Variants in UBE2R2 observed in about 807,000 individuals in gnomAD.
UBE2R2 encodes the protein ubiquitin conjugating enzyme E2 R2, also known as ubiquitin-conjugating enzyme E2 R2.
Under a neutral mutation model 27.8 loss-of-function variants are expected in UBE2R2, and 1 was observed. The observed-to-expected ratio is 0.04, with a 90% CI of 0.01 to 0.17. The LOEUF is 0.17. UBE2R2 is among the 10% of genes least tolerant of loss of function. UBE2R2 has a pLI of 1.00. For synonymous variants in UBE2R2, 106 were observed against 113.3 expected, an observed-to-expected ratio of 0.94 and a Z score of 0.41; for missense variants, 100 against 291.0, an observed-to-expected ratio of 0.34 and a Z score of 4.78.
intron 1 of UBE2R2, among the ~76,000 whole-genome samples, chr9:33,820,786 T>C (rs547786037): frequency 8.1e-4 from 124 of 152,358 alleles, no homozygotes; most frequent in Admixed American, 4.0e-3. Flanking sequence ...CTTTAACTTT[T>C]ATATATTAAT....
chr9:33,907,628 C>T (rs540907192), intron 3 of UBE2R2, among the ~76,000 whole-genome samples: 9 of 150,890 alleles, frequency 6.0e-5, no homozygotes, highest in Middle Eastern at 3.4e-3. Context: ...TGTGGAGGGG[C>T]GGGGAAAGCA....
chr9:33,907,502 C>T (rs1822379982), intron 3 of UBE2R2, among the ~76,000 whole-genome samples: 1 of 152,066 alleles, frequency 6.6e-6, no homozygotes, highest in Non-Finnish European at 1.5e-5. Context: ...CCCAAATTCC[C>T]TCTAGGTCTG....
chr9:33,821,963 G>T (rs1436286108), intron 1 of UBE2R2, among the ~76,000 whole-genome samples: 1 of 151,380 alleles, frequency 6.6e-6, no homozygotes, highest in Non-Finnish European at 1.5e-5. Flanking sequence ...TTTGATTGAG[G>T]TAATGAAATA....
At chr9:33,880,698 C>T (rs138257239) in intron 1 of UBE2R2, among the ~76,000 whole-genome samples, 3 of 152,212 alleles carry the variant, frequency 2.0e-5, no homozygotes, top group African/African-American at 7.2e-5. Flanking sequence ...TGGTACAACT[C>T]TGTGGCCTGT....
chr9:33,832,398 T>C (rs1820512669), intron 1 of UBE2R2, among the ~76,000 whole-genome samples: 1 of 151,944 alleles, frequency 6.6e-6, no homozygotes, highest in Non-Finnish European at 1.5e-5. Flanking sequence ...GGCTCATGCC[T>C]GTAATCCCAG....
intron 1 of UBE2R2, among the ~76,000 whole-genome samples, chr9:33,872,786 C>CA (rs761913485): frequency 0.12 from 11,343 of 98,454 alleles, 571 homozygotes; most frequent in Non-Finnish European, 0.16. Flanking sequence ...AACTCCATTT[C>CA]AAAAAAAAAA....
At chr9:33,824,105 G>A (rs1319839489) in intron 1 of UBE2R2, among the ~76,000 whole-genome samples, 2 of 152,184 alleles carry the variant, frequency 1.3e-5, no homozygotes, top group African/African-American at 4.8e-5. Flanking sequence ...AACCAAATAT[G>A]ATGCCTTAGT....
At chr9:33,818,004 T>C (rs1825850691) in intron 1 of UBE2R2, 70 bp downstream of exon 1, 1 of 1,552,782 alleles carries the variant, frequency 6.4e-7, no homozygotes, top group African/African-American at 1.4e-5. Context: ...CTTTCTGCAG[T>C]TCCTGGGACC....
intron 1 of UBE2R2, among the ~76,000 whole-genome samples, chr9:33,869,426 T>TATTC (rs1184655073): frequency 2.5e-5 from 2 of 79,598 alleles, no homozygotes; most frequent in East Asian, 2.4e-4. Context: ...TACAATGTTT[T>TATTC]ATTTATTTAT....
chr9:33,911,096 CCT>C (rs1427627887), intron 3 of UBE2R2, among the ~76,000 whole-genome samples: 1 of 151,474 alleles, frequency 6.6e-6, no homozygotes, highest in Non-Finnish European at 1.5e-5. Context: ...AGAGCAAGAC[CCT>C]GTCAAAAAAC....
chr9:33,834,431 C>G (rs1055614423), intron 1 of UBE2R2, among the ~76,000 whole-genome samples: 1 of 151,586 alleles, frequency 6.6e-6, no homozygotes, highest in Non-Finnish European at 1.5e-5. Context: ...AGGCTGGTCT[C>G]GCACTCCTGA....
At chr9:33,855,150 T>G (rs533038041) in intron 1 of UBE2R2, among the ~76,000 whole-genome samples, 1 of 152,220 alleles carries the variant, frequency 6.6e-6, no homozygotes, top group African/African-American at 2.4e-5. Flanking sequence ...TGGTTGTATC[T>G]TCTTGTTTTA....
At chr9:33,873,451 A>G (rs910418698) in intron 1 of UBE2R2, among the ~76,000 whole-genome samples, 1 of 152,164 alleles carries the variant, frequency 6.6e-6, no homozygotes, top group African/African-American at 2.4e-5. Flanking sequence ...TAACTTGAAT[A>G]AAAGGTTACT....
intron 1 of UBE2R2, among the ~76,000 whole-genome samples, chr9:33,823,506 G>A (rs1355566049): frequency 1.3e-5 from 2 of 152,130 alleles, no homozygotes; most frequent in African/African-American, 4.8e-5. Context: ...CTCCCAAGTA[G>A]CTGGGATTAC....
intron 1 of UBE2R2, among the ~76,000 whole-genome samples, chr9:33,874,134 G>T (rs970923971): frequency 3.3e-5 from 5 of 151,978 alleles, no homozygotes; most frequent in African/African-American, 7.3e-5. Context: ...TTTTAGTAGA[G>T]ATGGGGTTTC....
chr9:33,910,106 G>C (rs1822451496), intron 3 of UBE2R2, among the ~76,000 whole-genome samples: 1 of 152,080 alleles, frequency 6.6e-6, no homozygotes, highest in South Asian at 2.1e-4. Flanking sequence ...AAAAAGCCTA[G>C]GAGTAATTTG....
At chr9:33,868,896 G>A (rs1256638735) in intron 1 of UBE2R2, among the ~76,000 whole-genome samples, 2 of 152,190 alleles carry the variant, frequency 1.3e-5, no homozygotes, top group Non-Finnish European at 2.9e-5. Flanking sequence ...TTAGGACTAG[G>A]AAACTTTTTC....
chr9:33,833,171 T>C (rs1199056753), intron 1 of UBE2R2, among the ~76,000 whole-genome samples: 1 of 152,168 alleles, frequency 6.6e-6, no homozygotes, highest in Non-Finnish European at 1.5e-5. Flanking sequence ...TTCAAGTGAT[T>C]CTCCTGCCTC....
In UBE2R2 at chr9:33,912,106, T is replaced by G; in HGVS notation, c.497+8T>G. On this transcript the variant is annotated splice_region_variant and intron_variant, in intron 4 of 4. Transcript: ENST00000263228. ...ATATGCTGAAATTATTAGGTAAGGT[T>G]TTTTTTTTTATTACCTCAAGTTATA... 2 of 1,543,538 alleles carry G rather than the reference T, an allele frequency of 1.3e-6. No individual in the cohort carries two copies. The highest frequency in any genetic ancestry group is 1.8e-6 in the Non-Finnish European group (2 of 1,135,718).
Sources: allele counts gnomAD v4.1 joint callset (sites outside exome capture counted in the v4.1 genomes callset), GRCh38; gene constraint gnomAD v4.1.1; transcripts MANE v1.5; gene names NCBI Gene and HGNC (gene_info 2026-07-23, HGNC 2026-07-21).